Variants in ZNF883 observed in about 807,000 individuals in gnomAD.
The protein encoded by ZNF883 is zinc finger protein 883.
At chr9:112,997,831 A>G (rs750345114) in exon 1 of ZNF883, 3 of 1,613,026 alleles carry the variant, frequency 1.9e-6, no homozygotes, top group Non-Finnish European at 2.5e-6. Flanking sequence ...GAATTCTATG[A>G]TGTTGAGTAA....
downstream of ZNF883, among the ~76,000 whole-genome samples, chr9:112,995,564 T>TCCTTCTCTC (rs1205924126): frequency 2.2e-4 from 34 of 151,924 alleles, no homozygotes; most frequent in African/African-American, 7.7e-4. Flanking sequence ...TTCCTTCTCT[T>TCCTTCTCTC]CCTTCTCTCT....
At chr9:113,012,116 C>T (rs1261588168) in intron 1 of ZNF883, 34 bp downstream of exon 1, 2 of 152,262 alleles carry the variant, frequency 1.3e-5, no homozygotes, top group African/African-American at 4.8e-5. Context: ...CCACCTCCCA[C>T]ACGAGTGCAA....
chr9:112,993,883 C>G (rs71503552), downstream of ZNF883, among the ~76,000 whole-genome samples: 10,243 of 152,278 alleles, frequency 0.067, 518 homozygotes, highest in Non-Finnish European at 0.11. Context: ...TGGGTCCAAA[C>G]TACCCAGTCT....
chr9:113,011,946 G>A (rs1287770834), intron 1 of ZNF883, among the ~76,000 whole-genome samples: 2 of 152,096 alleles, frequency 1.3e-5, no homozygotes, highest in African/African-American at 2.4e-5. Context: ...TCACCCTGAA[G>A]CGGGATGCTG....
chr9:113,008,007 T>G (rs1828495742), intron 2 of ZNF883, among the ~76,000 whole-genome samples: 1 of 152,198 alleles, frequency 6.6e-6, no homozygotes, highest in Non-Finnish European at 1.5e-5. Flanking sequence ...CGGGACAGCA[T>G]TTTGTACAAA....
At chr9:113,003,705 C>A (rs1444541539) in intron 2 of ZNF883, among the ~76,000 whole-genome samples, 2 of 152,080 alleles carry the variant, frequency 1.3e-5, no homozygotes, top group African/African-American at 4.8e-5. Flanking sequence ...AAGAAAGCTA[C>A]ACCCAGGAAT....
At chr9:112,997,657 T>G (rs1474513115) in exon 1 of ZNF883, 2 of 1,613,050 alleles carry the variant, frequency 1.2e-6, no homozygotes, top group South Asian at 2.2e-5. Context: ...CTGTGTGGGT[T>G]CTCTGATGTC....
At chr9:112,996,567 A>G (rs2017267), downstream of ZNF883, among the ~76,000 whole-genome samples, 104,348 of 149,324 alleles carry the variant, frequency 0.7, 37,348 homozygotes, top group East Asian at 0.89. Context: ...CGAGGCGGGC[A>G]GATCATGAGG....
intron 1 of ZNF883, 86 bp from the exon 2 acceptor site, chr9:113,011,313 T>C (rs530712353): frequency 2.0e-5 from 3 of 152,250 alleles, no homozygotes; most frequent in African/African-American, 4.8e-5. Flanking sequence ...ACACCCTCTG[T>C]AAAAATGTCA....
upstream of ZNF883, among the ~76,000 whole-genome samples, chr9:113,001,248 T>C (rs1209028941): frequency 1.3e-5 from 2 of 152,140 alleles, no homozygotes; most frequent in East Asian, 3.8e-4. Flanking sequence ...TAAAAAATTT[T>C]TAGGCAACAT....
exon 1 of ZNF883, chr9:112,997,639 T>C (rs762497294): frequency 6.2e-7 from 1 of 1,613,572 alleles, no homozygotes; most frequent in South Asian, 1.1e-5. Flanking sequence ...ATTCATATGG[T>C]TTCTCTCCTG....
chr9:112,996,292 A>G (rs1053944635), downstream of ZNF883, among the ~76,000 whole-genome samples: 1 of 152,200 alleles, frequency 6.6e-6, no homozygotes, highest in Admixed American at 6.5e-5. Flanking sequence ...AATATTACAT[A>G]AATCTTAGAA....
chr9:113,008,766 G>A (rs1420244723), intron 2 of ZNF883, among the ~76,000 whole-genome samples: 1 of 152,020 alleles, frequency 6.6e-6, no homozygotes, highest in African/African-American at 2.4e-5. Context: ...TGGTAGAGGA[G>A]TTGGCCATAA....
intron 2 of ZNF883, among the ~76,000 whole-genome samples, chr9:113,009,096 T>C (rs539923499): frequency 4.6e-5 from 7 of 152,304 alleles, no homozygotes; most frequent in African/African-American, 1.4e-4. Flanking sequence ...TACCCTATAC[T>C]CTATTCTCAA....
chr9:112,993,710 C>G (rs993736930), downstream of ZNF883, among the ~76,000 whole-genome samples: 4 of 152,230 alleles, frequency 2.6e-5, no homozygotes, highest in African/African-American at 9.6e-5. Context: ...AGAGCTCAGT[C>G]TCAGAGAGAT....
downstream of ZNF883, among the ~76,000 whole-genome samples, chr9:112,996,129 T>C (rs750375246): frequency 6.6e-6 from 1 of 152,196 alleles, no homozygotes; most frequent in Non-Finnish European, 1.5e-5. Context: ...GAAACTTATT[T>C]TAAATTTCTA....
At chr9:112,998,121 C>A (rs753351100) in exon 1 of ZNF883, 24 of 1,613,656 alleles carry the variant, frequency 1.5e-5, no homozygotes, top group Non-Finnish European at 1.9e-5. Flanking sequence ...AAGGACTTAC[C>A]ACATATTTTA....
downstream of ZNF883, among the ~76,000 whole-genome samples, chr9:112,993,672 A>G (rs1828323043): frequency 6.6e-6 from 1 of 152,220 alleles, no homozygotes; most frequent in South Asian, 2.1e-4. Context: ...CTGTTGATCC[A>G]TGGAGACCAC....
chr9:112,988,879 T>C (rs904448665), intron 1 of ZNF883, among the ~76,000 whole-genome samples: 1 of 139,592 alleles, frequency 7.2e-6, no homozygotes, highest in Non-Finnish European at 1.5e-5. Flanking sequence ...ATTTCTCTAA[T>C]GATTAGTGAT....
Sources: allele counts gnomAD v4.1 joint callset (sites outside exome capture counted in the v4.1 genomes callset), GRCh38; gene constraint gnomAD v4.1.1; transcripts MANE v1.5; gene names NCBI Gene and HGNC (gene_info 2026-07-23, HGNC 2026-07-21).